The following TOPAZ1 variants were observed in gnomAD, a reference collection of about 807,000 sequenced individuals.
TOPAZ1 encodes protein TOPAZ1.
Under a neutral mutation model 172.2 loss-of-function variants are expected in TOPAZ1, and 66 were observed. The observed-to-expected ratio is 0.38, with a 90% CI of 0.31 to 0.47. The LOEUF (loss-of-function observed/expected upper bound fraction) is 0.47. TOPAZ1 is among the 20% of genes least tolerant of loss of function. The pLI, the probability that TOPAZ1 is intolerant of heterozygous loss-of-function variation, is 0.99. For synonymous variants in TOPAZ1, 681 were observed against 683.9 expected (o/e 1.00, Z 0.07); for missense variants, 1,822 against 1,972.4 (o/e 0.92, Z 1.44).
rs756047122 is a variant in TOPAZ1, at chr3:44,242,736, A to G, written c.347-117A>G. On this transcript the variant is annotated intron_variant, in intron 1 of 19. Transcript: ENST00000309765. ...TTCATTTAAAAACAAATGTGTATTT[A>G]CATACAGCTGTTCAGGGAAATAAAA... 691 of 813,314 alleles carry G rather than the reference A, an allele frequency of 8.5e-4. 9 individuals carry two copies. The highest frequency in any genetic ancestry group is 1.5e-3 in the Middle Eastern group (4 of 2,742). 50.4% of individuals were successfully genotyped at this position (813,314 alleles called of 1,614,324 possible). A position where few individuals can be genotyped will look rare whatever the true frequency, so the allele number is the denominator to read the frequency against.
At chr3:44,263,284 G>A (rs1396591292) in intron 5 of TOPAZ1, among the ~76,000 whole-genome samples, 3 of 152,102 alleles carry the variant, frequency 2.0e-5, no homozygotes, top group Non-Finnish European at 4.4e-5. Flanking sequence ...AAAGCAATAA[G>A]ATTAACTTTT....
intron 2 of TOPAZ1, among the ~76,000 whole-genome samples, chr3:44,253,243 A>G (rs114660616): frequency 3.8e-4 from 58 of 152,334 alleles, no homozygotes; most frequent in African/African-American, 1.4e-3. Context: ...ACTAGAATTT[A>G]TGGTGAGTGT....
chr3:44,284,752 A>T (rs1700059643), intron 9 of TOPAZ1, among the ~76,000 whole-genome samples: 1 of 152,258 alleles, frequency 6.6e-6, no homozygotes, highest in South Asian at 2.1e-4. Flanking sequence ...TTTAGCATAT[A>T]CCAGAATGAA....
At position 44,243,923 on chromosome 3, in the gene TOPAZ1, A is replaced by C; in HGVS notation, c.1417A>C (p.Ser473Arg). 1 of 1,552,332 alleles carries C rather than the reference A, an allele frequency of 6.4e-7. No individual in the cohort carries two copies. The highest frequency in any genetic ancestry group is 8.7e-7 in the Non-Finnish European group (1 of 1,147,076). Reference sequence around the variant, plus strand: ...GAGATCTTCACGGGAAGACTTAAGAAGTGCATCTGAAGAATTGAAGTTAAG... The same window carrying C: ...GAGATCTTCACGGGAAGACTTAAGACGTGCATCTGAAGAATTGAAGTTAAG... ...ERRSSREDLR[S>R]ASEELKLSCQ... Residue 473 changes from serine to arginine, a missense_variant, in exon 2 of 20, where the codon AGT (serine) becomes CGT (arginine). Physicochemically the swap from Ser to Arg is moderately radical, Grantham distance 110 (BLOSUM62 -1). Transcript: ENST00000309765.
chr3:44,243,017 C>A lies in TOPAZ1; in HGVS notation c.511C>A (p.Arg171=). ...AATAGAAGGTATTAAAAGAAGAATTCGAAATAAAAAACTTAAAAGCTTAGA... is the reference window on the plus strand; with the variant it reads ...AATAGAAGGTATTAAAAGAAGAATTAGAAATAAAAAACTTAAAAGCTTAGA... The part of the protein sequence containing the change: ...SIIEGIKRRI[R]NKKLKSLENP... The change falls in exon 2 of 20, where the codon CGA becomes AGA. Residue 171 remains arginine, a synonymous_variant. Coordinates refer to ENST00000309765, the MANE Select transcript of TOPAZ1 (RefSeq NM_001145030.2). 1 of 1,542,796 alleles carries A rather than the reference C, an allele frequency of 6.5e-7. No homozygotes were observed. The highest frequency in any genetic ancestry group is 8.7e-7 in the Non-Finnish European group (1 of 1,144,752).
intron 12 of TOPAZ1, among the ~76,000 whole-genome samples, chr3:44,301,826 G>A (rs901950030): frequency 6.6e-6 from 1 of 151,788 alleles, no homozygotes; most frequent in African/African-American, 2.4e-5. Flanking sequence ...TTGACCTTCT[G>A]GTGTTTTTTA....
At chr3:44,263,687 G>A (rs933554968) in intron 5 of TOPAZ1, among the ~76,000 whole-genome samples, 1 of 152,132 alleles carries the variant, frequency 6.6e-6, no homozygotes, top group Middle Eastern at 3.4e-3. Flanking sequence ...CTCCTCTGGC[G>A]CAGAAAACAC....
intron 5 of TOPAZ1, among the ~76,000 whole-genome samples, chr3:44,263,849 A>G (rs1449197437): frequency 1.3e-5 from 2 of 152,230 alleles, no homozygotes; most frequent in Admixed American, 6.5e-5. Context: ...TTATTTTTCT[A>G]GATAAGTAGT....
chr3:44,244,064 C>G lies in TOPAZ1; in HGVS notation c.1558C>G (p.Arg520Gly), dbSNP rs544974153. 1.9e-6 allele frequency: 3 copies of G among 1,551,636 alleles called. No homozygotes were observed. The highest frequency in any genetic ancestry group is 2.0e-5 in the Admixed American group (1 of 50,976). Reference sequence around the variant, plus strand: ...CTTGCCAGAATCAAGTTACTTTCTTCGTGGGTCTCAGGAAAGTTGTAGGCA... The same window carrying G: ...CTTGCCAGAATCAAGTTACTTTCTTGGTGGGTCTCAGGAAAGTTGTAGGCA... The part of the protein sequence containing the change: ...ASLPESSYFL[R>G]GSQESCRQVD... The change falls in exon 2 of 20, where the codon CGT (arginine) becomes GGT (glycine). Residue 520 changes from arginine (R) to glycine (G), a missense_variant. This residue lies in a region of TOPAZ1 where 1,489 missense variants were observed against 1,490.8 expected (regional missense o/e 1.00). Transcript: ENST00000309765.
At chr3:44,282,153 G>A in intron 9 of TOPAZ1, 122 bp downstream of exon 9, 1 of 605,644 alleles carries the variant, frequency 1.7e-6, no homozygotes, top group South Asian at 2.6e-5. Flanking sequence ...TAGCTCTGTT[G>A]GCCTAAGAAA....
chr3:44,286,976 G>A (rs1700086526), intron 9 of TOPAZ1, among the ~76,000 whole-genome samples: 1 of 152,164 alleles, frequency 6.6e-6, no homozygotes, highest in Non-Finnish European at 1.5e-5. Flanking sequence ...TCAACATGTT[G>A]GTGGGTTTAA....
In TOPAZ1 at chr3:44,321,211, A is replaced by G. The variant is rs146369820; in HGVS notation, c.4471+20A>G. The G allele has an allele frequency of 8.1e-4, 1,227 of 1,511,124 alleles. 9 individuals are homozygous for G. In the East Asian group the frequency reaches 0.016, roughly 20 times the overall value. The allele number at this position is 1,511,124 out of a possible 1,614,324, so 93.6% of individuals were successfully genotyped here. ...CCCAAGGTATGTTTTTTAAAAGTCT[A>G]TCTTAATTATCTCTTGCCCATCTGG... On this transcript the variant is annotated intron_variant, in intron 17 of 19. Coordinates refer to ENST00000309765, the MANE Select transcript of TOPAZ1 (RefSeq NM_001145030.2).
intron 16 of TOPAZ1, among the ~76,000 whole-genome samples, chr3:44,320,441 C>T (rs1319012938): frequency 1.3e-5 from 2 of 152,038 alleles, no homozygotes; most frequent in African/African-American, 4.8e-5. Context: ...ACTTAACATA[C>T]AAAAAATTTA....
Position 44,244,872 on chromosome 3 carries a change from C to G in TOPAZ1, c.2366C>G (p.Pro789Arg). ...AAACCATCTAATCACGTCTCTGAACCAGGCAATATTGTTTCTAATAAAGAA... is the reference window on the plus strand; with the variant it reads ...AAACCATCTAATCACGTCTCTGAACGAGGCAATATTGTTTCTAATAAAGAA... The part of the protein sequence containing the change: ...NSKPSNHVSE[P>R]GNIVSNKEVA... Residue 789 changes from proline to arginine, a missense_variant, in exon 2 of 20, where the codon CCA becomes CGA. Transcript: ENST00000309765. The G allele has an allele frequency of 2.6e-6, 4 of 1,551,712 alleles. No homozygotes were observed. The highest frequency in any genetic ancestry group is 3.5e-6 in the Non-Finnish European group (4 of 1,146,998).
At chr3:44,322,577 G>A (rs1370995762) in intron 17 of TOPAZ1, among the ~76,000 whole-genome samples, 2 of 152,124 alleles carry the variant, frequency 1.3e-5, no homozygotes, top group African/African-American at 4.8e-5. Flanking sequence ...GAATATGTAA[G>A]ATAGGTTGGG....
downstream of TOPAZ1, among the ~76,000 whole-genome samples, chr3:44,335,545 G>A (rs1379417862): frequency 6.6e-6 from 1 of 152,070 alleles, no homozygotes; most frequent in Non-Finnish European, 1.5e-5. Flanking sequence ...AATCACTTGA[G>A]CTTGGGAAGC....
chr3:44,335,164 A>G (rs1239827591), downstream of TOPAZ1, among the ~76,000 whole-genome samples: 4 of 152,158 alleles, frequency 2.6e-5, no homozygotes, highest in East Asian at 1.9e-4. Flanking sequence ...TCAAGGTGGG[A>G]TAGGGCCAAA....
At chr3:44,308,304 T>G (rs915473361) in intron 15 of TOPAZ1, among the ~76,000 whole-genome samples, 1 of 102,326 alleles carries the variant, frequency 9.8e-6, no homozygotes, top group Non-Finnish European at 1.9e-5. Flanking sequence ...CAGGCCCCAG[T>G]GTGTGATGTT....
At chr3:44,297,393 A>G (rs984238248) in intron 12 of TOPAZ1, among the ~76,000 whole-genome samples, 12 of 152,190 alleles carry the variant, frequency 7.9e-5, no homozygotes, top group African/African-American at 2.7e-4. Context: ...GAAAAACCAC[A>G]TGATTATTCA....
Sources: allele counts gnomAD v4.1 joint callset (sites outside exome capture counted in the v4.1 genomes callset), GRCh38; gene constraint gnomAD v4.1.1; regional missense constraint gnomAD v4.1.1; transcripts MANE v1.5; gene names NCBI Gene and HGNC (gene_info 2026-07-23, HGNC 2026-07-21).